ZMPSTE24: variants seen among roughly 807,000 people sequenced by gnomAD.
The protein encoded by ZMPSTE24 is zinc metallopeptidase STE24, also known as CAAX prenyl protease 1 homolog.
Under a neutral mutation model 56.7 loss-of-function variants are expected in ZMPSTE24, and 48 were observed. The ratio of observed to expected loss-of-function variants is 0.85; its 90% confidence interval spans 0.67 to 1.08. The LOEUF (loss-of-function observed/expected upper bound fraction) is 1.08, where lower values mean the gene tolerates loss of function less well. Ranked by LOEUF, ZMPSTE24 falls within the 50% of genes least tolerant of loss-of-function variation. The pLI, the probability that ZMPSTE24 is intolerant of heterozygous loss-of-function variation, is 0.00. For synonymous variants in ZMPSTE24, 172 were observed against 195.2 expected, an observed-to-expected ratio of 0.88 and a Z score of 0.99; for missense variants, 503 against 548.7, an observed-to-expected ratio of 0.92 and a Z score of 0.83.
chr1:40,280,336 G>T (rs1406665050), intron 6 of ZMPSTE24, among the ~76,000 whole-genome samples: 1 of 152,122 alleles, frequency 6.6e-6, no homozygotes, highest in East Asian at 1.9e-4. Context: ...CAGTTCCTGG[G>T]CCAAATGCGT....
rs540824596 is a variant in ZMPSTE24, at chr1:40,258,986, C to T, written c.123+592C>T. Among the ~76,000 whole-genome samples, 19 of 152,136 alleles carry T rather than the reference C, an allele frequency of 1.2e-4. 1 individual carries two copies. In the South Asian group the frequency reaches 2.5e-3, roughly 20 times the overall value. ...CAGCCTGACCAACGTGGCGAAAACCCGTCTCTACTAAAAATAGAAAAATTA... is the reference window on the plus strand; with the variant it reads ...CAGCCTGACCAACGTGGCGAAAACCTGTCTCTACTAAAAATAGAAAAATTA... On this transcript the variant is annotated intron_variant, in intron 1 of 9. Transcript: ENST00000372759.
chr1:40,281,374 T>C lies in ZMPSTE24; in HGVS notation c.801T>C (p.Tyr267=). Residue 267 remains tyrosine, a synonymous_variant, in exon 7 of 10, where the codon TAT becomes TAC. Coordinates refer to ENST00000372759, the MANE Select transcript of ZMPSTE24 (RefSeq NM_005857.5). Reference sequence around the variant, plus strand: ...AACGCTCTTCCCACAGCAATGCTTATTTTTATGGCTTCTTCAAGAACAAGC... The same window carrying C: ...AACGCTCTTCCCACAGCAATGCTTACTTTTATGGCTTCTTCAAGAACAAGC... ...GSKRSSHSNA[Y]FYGFFKNKRI... is the part of the protein sequence containing the mutation. The C allele has an allele frequency of 6.2e-7, 1 of 1,614,148 alleles. No homozygotes were observed. Among genetic ancestry groups the C allele is most frequent in the South Asian group, 1.1e-5 (1 of 91,084 alleles).
At chr1:40,275,706 C>A (rs981724878) in intron 6 of ZMPSTE24, among the ~76,000 whole-genome samples, 6 of 145,450 alleles carry the variant, frequency 4.1e-5, no homozygotes, top group Non-Finnish European at 4.5e-5. Context: ...GAGTCGAGAT[C>A]GCGCCACTAC....
intron 6 of ZMPSTE24, among the ~76,000 whole-genome samples, chr1:40,273,534 AAAAATATAT>A (rs1227400070): frequency 5.0e-5 from 4 of 79,718 alleles, no homozygotes; most frequent in African/African-American, 2.6e-4. Flanking sequence ...AAAAAAAAAA[AAAAATATAT>A]ATATATATAT....
At chr1:40,279,850 A>G (rs368675528) in intron 6 of ZMPSTE24, among the ~76,000 whole-genome samples, 23 of 152,156 alleles carry the variant, frequency 1.5e-4, no homozygotes, top group African/African-American at 5.3e-4. Context: ...TCAGACTGGC[A>G]GCAGACCACC....
intron 8 of ZMPSTE24, among the ~76,000 whole-genome samples, chr1:40,290,028 A>G (rs925068373): frequency 1.3e-5 from 2 of 152,194 alleles, no homozygotes; most frequent in Admixed American, 6.5e-5. Flanking sequence ...TTGCCCTTAT[A>G]GAAAATGATA....
chr1:40,266,958 A>T (rs1226856627), intron 2 of ZMPSTE24, among the ~76,000 whole-genome samples: 3 of 151,862 alleles, frequency 2.0e-5, no homozygotes, highest in African/African-American at 4.8e-5. Flanking sequence ...TTGTAGGGAC[A>T]GGTTTCACCA....
In ZMPSTE24 at chr1:40,291,034, C is replaced by T. The variant is rs747371305; in HGVS notation, c.1203+37C>T. 19 of 1,609,394 alleles carry T rather than the reference C, an allele frequency of 1.2e-5. No homozygotes were observed. The South Asian group carries it at 2.1e-4, about 18-fold the overall frequency. ...TCTTTAAAATTATCACACATATGCT[C>T]TTGCCTGCTTCAAATCTAGAGCTTT... On this transcript the variant is annotated intron_variant, in intron 9 of 9. Coordinates refer to ENST00000372759, the MANE Select transcript of ZMPSTE24 (RefSeq NM_005857.5).
intron 8 of ZMPSTE24, among the ~76,000 whole-genome samples, chr1:40,286,433 T>A (rs1053841678): frequency 2.0e-5 from 3 of 152,156 alleles, no homozygotes; most frequent in Non-Finnish European, 4.4e-5. Context: ...TAAAAAAATT[T>A]TTTTTGAGAC....
intron 6 of ZMPSTE24, among the ~76,000 whole-genome samples, chr1:40,278,333 C>T (rs897771573): frequency 6.6e-6 from 1 of 151,844 alleles, no homozygotes; most frequent in Non-Finnish European, 1.5e-5. Context: ...TAGAATATCT[C>T]GTGTAACGAG....
intron 9 of ZMPSTE24, 134 bp from the exon 10 acceptor site, chr1:40,292,307 CTAAA>C: frequency 1.2e-6 from 1 of 800,550 alleles, no homozygotes; most frequent in East Asian, 2.5e-5. Flanking sequence ...CCTAGGTCCC[CTAAA>C]TATTAGTGAT....
chr1:40,287,203 AC>A (rs1046380149), intron 8 of ZMPSTE24, among the ~76,000 whole-genome samples: 2 of 151,500 alleles, frequency 1.3e-5, no homozygotes, highest in African/African-American at 4.9e-5. Context: ...AGTAGCTGAG[AC>A]CACAGGTGCA....
chr1:40,284,323 G>T (rs1643761418), intron 7 of ZMPSTE24, among the ~76,000 whole-genome samples: 1 of 151,494 alleles, frequency 6.6e-6, no homozygotes, highest in Non-Finnish European at 1.5e-5. Context: ...TTTTTCTTAG[G>T]TGCAATGTCT....
chr1:40,258,874 C>T (rs1032664437), intron 1 of ZMPSTE24, among the ~76,000 whole-genome samples: 2 of 152,038 alleles, frequency 1.3e-5, no homozygotes, highest in Non-Finnish European at 2.9e-5. Context: ...AAAAACTTAT[C>T]GGGCCCGGCG....
At chr1:40,273,536 AAATAT>A (rs1285837434) in intron 6 of ZMPSTE24, among the ~76,000 whole-genome samples, 9 of 74,336 alleles carry the variant, frequency 1.2e-4, no homozygotes, top group East Asian at 3.8e-4. Flanking sequence ...AAAAAAAAAA[AAATAT>A]ATATATATAT....
At chr1:40,282,343 GA>G (rs1569652854) in intron 7 of ZMPSTE24, among the ~76,000 whole-genome samples, 2 of 152,202 alleles carry the variant, frequency 1.3e-5, no homozygotes, top group Non-Finnish European at 2.9e-5. Flanking sequence ...AAATGGGGGA[GA>G]GGGGACAATG....
chr1:40,264,145 C>T (rs544000097), intron 2 of ZMPSTE24, among the ~76,000 whole-genome samples: 1 of 152,016 alleles, frequency 6.6e-6, no homozygotes, highest in African/African-American at 2.4e-5. Flanking sequence ...ACCAGCCTGA[C>T]CAACATGGCG....
chr1:40,276,174 A>G (rs1643668939), intron 6 of ZMPSTE24, among the ~76,000 whole-genome samples: 1 of 152,230 alleles, frequency 6.6e-6, no homozygotes, highest in Admixed American at 6.5e-5. Flanking sequence ...AAGACTACAC[A>G]CAAGAATACA....
Position 40,258,373 on chromosome 1 carries a change from G to C in ZMPSTE24, c.102G>C (p.Glu34Asp). Residue 34 changes from glutamate (E) to aspartate (D), a missense_variant, in exon 1 of 10, where the codon GAG (glutamate) becomes GAC (aspartate). Coordinates refer to ENST00000372759, the MANE Select transcript of ZMPSTE24 (RefSeq NM_005857.5). ...TTTCCTGGACAGTGTATCTTTGGGA[G>C]ACCTTCCTAGCACAGCGGCAGGTGA... ...LLFSWTVYLW[E>D]TFLAQRQRRI... 6.2e-7 allele frequency: 1 copy of C among 1,614,100 alleles called. No homozygotes were observed. Among genetic ancestry groups the C allele is most frequent in the Admixed American group, 1.7e-5 (1 of 60,018 alleles).
Sources: gnomAD v4.1 joint callset for allele counts (sites outside exome capture counted in the v4.1 genomes callset) on GRCh38, gnomAD v4.1.1 for gene constraint, MANE v1.5 for transcripts, NCBI Gene and HGNC (gene_info 2026-07-23, HGNC 2026-07-21) for gene names.